DACH1: variants seen among roughly 807,000 people sequenced by gnomAD.
DACH1 encodes the protein dachshund family transcription factor 1.
A neutral mutation model predicts 54.2 loss-of-function variants in DACH1; 12 were observed. The ratio of observed to expected loss-of-function variants is 0.22; its 90% CI spans 0.14 to 0.36. The LOEUF is 0.36. Ranked by LOEUF, DACH1 falls within the 10% of genes least tolerant of loss-of-function variation. DACH1 has a pLI of 1.00. For synonymous variants in DACH1, 386 were observed against 366.2 expected (o/e 1.05, Z -0.62); for missense variants, 805 against 929.8 (o/e 0.87, Z 1.75).
chr13:71,736,272 C>T (rs996658373), intron 1 of DACH1, among the ~76,000 whole-genome samples: 2 of 152,098 alleles, frequency 1.3e-5, no homozygotes, highest in Non-Finnish European at 2.9e-5. Context: ...GAATAGATTA[C>T]CATGATGTGC....
At chr13:71,496,950 T>C (rs970357490) in intron 6 of DACH1, among the ~76,000 whole-genome samples, 1 of 152,148 alleles carries the variant, frequency 6.6e-6, no homozygotes, top group African/African-American at 2.4e-5. Context: ...TTTATAAAAT[T>C]GACACCAAAA....
intron 2 of DACH1, among the ~76,000 whole-genome samples, chr13:71,668,412 A>T (rs563073135): frequency 3.3e-5 from 5 of 152,242 alleles, no homozygotes; most frequent in African/African-American, 1.2e-4. Flanking sequence ...AAATTATTGC[A>T]TTTCTGAAAT....
chr13:71,627,335 C>CAAAAAAAA (rs1221837020), intron 3 of DACH1, among the ~76,000 whole-genome samples: 2 of 70,102 alleles, frequency 2.9e-5, no homozygotes, highest in Non-Finnish European at 6.7e-5. Flanking sequence ...AACGCTCTTA[C>CAAAAAAAA]AAAAAAAAAA....
At chr13:71,455,396 A>ATATC (rs1459234847) in intron 10 of DACH1, among the ~76,000 whole-genome samples, 2 of 152,090 alleles carry the variant, frequency 1.3e-5, no homozygotes, top group Admixed American at 6.6e-5. Context: ...GTACCTATAT[A>ATATC]TATCTTCTTC....
At chr13:71,442,779 C>T (rs1183024597) in intron 10 of DACH1, among the ~76,000 whole-genome samples, 1 of 151,794 alleles carries the variant, frequency 6.6e-6, no homozygotes, top group African/African-American at 2.4e-5. Context: ...AATAATGATG[C>T]AATTATAGCT....
At chr13:71,754,217 T>G (rs1885047146) in intron 1 of DACH1, among the ~76,000 whole-genome samples, 1 of 152,212 alleles carries the variant, frequency 6.6e-6, no homozygotes, top group South Asian at 2.1e-4. Flanking sequence ...CTCACCTGGT[T>G]AGTGCTTCCT....
chr13:71,761,002 T>A (rs921788911), intron 1 of DACH1, among the ~76,000 whole-genome samples: 2 of 152,134 alleles, frequency 1.3e-5, no homozygotes, highest in Non-Finnish European at 2.9e-5. Flanking sequence ...AAATCCTTCA[T>A]CTTGTATGTC....
intron 1 of DACH1, among the ~76,000 whole-genome samples, chr13:71,692,937 A>G (rs1359282537): frequency 6.6e-6 from 1 of 152,202 alleles, no homozygotes; most frequent in Admixed American, 6.5e-5. Flanking sequence ...CTAATCAAAA[A>G]TGAATCCATC....
intron 2 of DACH1, among the ~76,000 whole-genome samples, chr13:71,645,789 T>G (rs984620959): frequency 2.0e-5 from 3 of 152,060 alleles, no homozygotes; most frequent in Non-Finnish European, 4.4e-5. Flanking sequence ...CACCAGGAGC[T>G]TTTGTTGGTT....
At chr13:71,862,758 C>G (rs1874439628) in intron 1 of DACH1, among the ~76,000 whole-genome samples, 1 of 151,990 alleles carries the variant, frequency 6.6e-6, no homozygotes, top group South Asian at 2.1e-4. Flanking sequence ...GTTTATGAAC[C>G]TTACTTTTCT....
chr13:71,488,419 G>A (rs1016992726), intron 7 of DACH1, among the ~76,000 whole-genome samples: 13 of 152,066 alleles, frequency 8.5e-5, no homozygotes, highest in African/African-American at 3.1e-4. Flanking sequence ...ATAATGTACT[G>A]TACATAAAAT....
chr13:71,589,763 T>G (rs143578960), intron 3 of DACH1, among the ~76,000 whole-genome samples: 1 of 152,014 alleles, frequency 6.6e-6, no homozygotes, highest in Non-Finnish European at 1.5e-5. Context: ...TCATTAAGCA[T>G]AAATCATCAA....
At chr13:71,798,325 T>TAC (rs1302578965) in intron 1 of DACH1, among the ~76,000 whole-genome samples, 77 of 9,568 alleles carry the variant, frequency 8.0e-3, no homozygotes, top group African/African-American at 0.015. Flanking sequence ...GTTACATACA[T>TAC]ATATATATAT....
intron 1 of DACH1, among the ~76,000 whole-genome samples, chr13:71,772,321 G>A (rs1885891611): frequency 6.6e-6 from 1 of 151,650 alleles, no homozygotes. Flanking sequence ...GCATTTGTGT[G>A]TATTTTGCAC....
At chr13:71,659,173 A>G (rs528667820) in intron 2 of DACH1, among the ~76,000 whole-genome samples, 1 of 152,274 alleles carries the variant, frequency 6.6e-6, no homozygotes, top group South Asian at 2.1e-4. Flanking sequence ...CTGAGAGGAA[A>G]CAAGGTAGGA....
chr13:71,593,493 A>G (rs1375049756), intron 3 of DACH1, among the ~76,000 whole-genome samples: 1 of 152,150 alleles, frequency 6.6e-6, no homozygotes, highest in African/African-American at 2.4e-5. Context: ...CTGGGTAATC[A>G]ATAATACTCC....
At chr13:71,710,493 T>C (rs1436159365) in intron 1 of DACH1, among the ~76,000 whole-genome samples, 1 of 131,170 alleles carries the variant, frequency 7.6e-6, no homozygotes, top group African/African-American at 2.8e-5. Context: ...TGTGTGTGTG[T>C]TTATGTGTGT....
chr13:71,640,015 C>T (rs1877774381), intron 2 of DACH1, among the ~76,000 whole-genome samples: 1 of 151,928 alleles, frequency 6.6e-6, no homozygotes, highest in Non-Finnish European at 1.5e-5. Context: ...TTTTATTTTA[C>T]TGATGATTAA....
chr13:71,572,796 C>A, intron 4 of DACH1, 44 bp downstream of exon 4: 1 of 1,573,922 alleles, frequency 6.4e-7, no homozygotes, highest in South Asian at 1.2e-5. Flanking sequence ...GGGATGGTGG[C>A]TTAAGATGAA....
Sources: allele counts gnomAD v4.1 joint callset (sites outside exome capture counted in the v4.1 genomes callset), GRCh38; gene constraint gnomAD v4.1.1; transcripts MANE v1.5; gene names NCBI Gene and HGNC (gene_info 2026-07-23, HGNC 2026-07-21).